Variants in THSD4 observed in about 807,000 individuals in gnomAD.
THSD4 encodes thrombospondin type-1 domain-containing protein 4.
Under a neutral mutation model 119.0 loss-of-function variants are expected in THSD4, and 69 were observed. The ratio of observed to expected loss-of-function variants is 0.58; its 90% CI spans 0.48 to 0.71. The LOEUF is 0.71. Ranked by LOEUF, THSD4 falls within the 30% of genes least tolerant of loss-of-function variation. THSD4 has a pLI of 0.00. For synonymous variants in THSD4, 524 were observed against 540.4 expected, an observed-to-expected ratio of 0.97 and a Z score of 0.42; for missense variants, 1,393 against 1,391.1, an observed-to-expected ratio of 1.00 and a Z score of -0.02.
intron 8 of THSD4, among the ~76,000 whole-genome samples, chr15:71,674,152 C>G (rs1330036523): frequency 6.6e-6 from 1 of 152,190 alleles, no homozygotes; most frequent in African/African-American, 2.4e-5. Context: ...GTTTATGCCT[C>G]TCCACCTTAC....
intron 7 of THSD4, among the ~76,000 whole-genome samples, chr15:71,525,897 C>T (rs1355261468): frequency 1.3e-5 from 2 of 152,176 alleles, no homozygotes; most frequent in Non-Finnish European, 2.9e-5. Flanking sequence ...GAACCTGAAC[C>T]CCTCAAGGAC....
intron 6 of THSD4, among the ~76,000 whole-genome samples, chr15:71,311,362 A>T (rs915332874): frequency 6.6e-6 from 1 of 152,172 alleles, no homozygotes; most frequent in African/African-American, 2.4e-5. Context: ...TTAGAAGGGG[A>T]TAGCCATGAG....
intron 8 of THSD4, among the ~76,000 whole-genome samples, chr15:71,719,636 GA>G (rs2052675280): frequency 6.6e-6 from 1 of 152,154 alleles, no homozygotes; most frequent in South Asian, 2.1e-4. Context: ...ATAAAATACA[GA>G]AGAGTACAAA....
chr15:71,556,343 A>G (rs1295166277), intron 7 of THSD4, among the ~76,000 whole-genome samples: 1 of 151,892 alleles, frequency 6.6e-6, no homozygotes, highest in African/African-American at 2.4e-5. Flanking sequence ...TTCTACACAA[A>G]GGTCTTATAC....
chr15:71,180,156 TA>T (rs766375226), intron 3 of THSD4, among the ~76,000 whole-genome samples: 1,060 of 22,832 alleles, frequency 0.046, 2 homozygotes, highest in South Asian at 0.33. Flanking sequence ...AAAAAAACAT[TA>T]AAAAAAAAAA....
upstream of THSD4, chr15:71,111,931 C>G (rs1004003700): frequency 1.7e-6 from 1 of 597,592 alleles, no homozygotes; most frequent in African/African-American, 1.9e-5. Context: ...ATTTGGGACA[C>G]TCTGCATCAT....
chr15:71,682,905 T>TTTCTTTC (rs2051821303), intron 8 of THSD4, among the ~76,000 whole-genome samples: 2 of 52,450 alleles, frequency 3.8e-5, no homozygotes, highest in African/African-American at 1.9e-4. Context: ...TCTTTCTTTC[T>TTTCTTTC]TTCTTCTTCT....
intron 1 of THSD4, among the ~76,000 whole-genome samples, chr15:71,105,819 G>A (rs903993520): frequency 5.9e-5 from 9 of 152,154 alleles, no homozygotes; most frequent in Admixed American, 5.2e-4. Context: ...CACCTGGCCT[G>A]CACAATGCCT....
chr15:71,137,780 C>A (rs1312472351), intron 1 of THSD4, among the ~76,000 whole-genome samples: 1 of 152,174 alleles, frequency 6.6e-6, no homozygotes, highest in African/African-American at 2.4e-5. Context: ...CAAAAACATA[C>A]TAGAGCAGTG....
chr15:71,434,618 T>C (rs1382630952), intron 7 of THSD4, among the ~76,000 whole-genome samples: 1 of 151,940 alleles, frequency 6.6e-6, no homozygotes, highest in Admixed American at 6.6e-5. Flanking sequence ...CCAAAAGGCC[T>C]GTGAAGTTTT....
Position 71,715,699 on chromosome 15 carries a change from A to G in THSD4, c.1358-12850A>G, listed in dbSNP as rs921217018. On this transcript the variant is annotated intron_variant, in intron 8 of 17. Transcript: ENST00000261862. ...TCAGCTGTCCATGACATTGAGAACA[A>G]CCCTTCCACTTATTCCCCGACGTCA... 3.3e-5 allele frequency among the ~76,000 whole-genome samples: 5 copies of G among 151,792 alleles called. No individual in the cohort carries two copies. In the South Asian group the frequency reaches 1.0e-3, roughly 32 times the overall value.
At chr15:71,213,315 C>G (rs185759847) in intron 3 of THSD4, among the ~76,000 whole-genome samples, 1 of 152,174 alleles carries the variant, frequency 6.6e-6, no homozygotes, top group Non-Finnish European at 1.5e-5. Flanking sequence ...ATTTAGGGTC[C>G]ACCTGGCTTA....
chr15:71,238,908 C>T (rs1247491361), intron 4 of THSD4, among the ~76,000 whole-genome samples: 1 of 152,190 alleles, frequency 6.6e-6, no homozygotes, highest in Non-Finnish European at 1.5e-5. Flanking sequence ...TACCTACCCA[C>T]TAGGAATGTA....
intron 6 of THSD4, among the ~76,000 whole-genome samples, chr15:71,280,605 T>TC (rs1162903138): frequency 6.8e-6 from 1 of 147,628 alleles, no homozygotes; most frequent in Non-Finnish European, 1.5e-5. Context: ...ATTCCCTCCC[T>TC]CCCTCCCTCT....
chr15:71,669,102 G>A (rs2051471960), intron 8 of THSD4, among the ~76,000 whole-genome samples: 1 of 152,094 alleles, frequency 6.6e-6, no homozygotes. Flanking sequence ...CCAAAGTCGT[G>A]CCAATTTACA....
At chr15:71,307,374 C>T (rs1035728955) in intron 6 of THSD4, among the ~76,000 whole-genome samples, 5 of 152,172 alleles carry the variant, frequency 3.3e-5, no homozygotes, top group African/African-American at 4.8e-5. Flanking sequence ...ATGTTAAGTA[C>T]ATTGGATGTG....
intron 8 of THSD4, among the ~76,000 whole-genome samples, chr15:71,684,719 G>C (rs1243182052): frequency 1.3e-5 from 2 of 152,030 alleles, no homozygotes; most frequent in Non-Finnish European, 2.9e-5. Flanking sequence ...TCCGAAGTGA[G>C]ATTGGCCTAT....
intron 7 of THSD4, among the ~76,000 whole-genome samples, chr15:71,412,920 TCTGGGTAA>T (rs1052665625): frequency 6.6e-6 from 1 of 152,318 alleles, no homozygotes; most frequent in African/African-American, 2.4e-5. Flanking sequence ...AATGATCAAA[TCTGGGTAA>T]CTGGGGTATC....
intron 2 of THSD4, among the ~76,000 whole-genome samples, chr15:71,142,531 C>T (rs1376048303): frequency 6.6e-6 from 1 of 152,026 alleles, no homozygotes; most frequent in African/African-American, 2.4e-5. Context: ...AATATTTATA[C>T]ATTATGAGAT....
Sources: gnomAD v4.1 joint callset for allele counts (sites outside exome capture counted in the v4.1 genomes callset) on GRCh38, gnomAD v4.1.1 for gene constraint, MANE v1.5 for transcripts, NCBI Gene and HGNC (gene_info 2026-07-23, HGNC 2026-07-21) for gene names.